ELAVL4: variants seen among roughly 807,000 people sequenced by gnomAD.
ELAVL4 encodes ELAV-like protein 4.
A neutral mutation model predicts 35.6 loss-of-function variants in ELAVL4; 1 was observed. The observed-to-expected ratio is 0.03, with a 90% CI of 0.01 to 0.13. ELAVL4 has a LOEUF of 0.13. Ranked by LOEUF, ELAVL4 falls within the 10% of genes least tolerant of loss-of-function variation. ELAVL4 has a pLI of 1.00. For missense variants in ELAVL4, 267 were observed against 464.9 expected, an observed-to-expected ratio of 0.57 and a Z score of 3.91; for synonymous variants, 156 against 171.0, an observed-to-expected ratio of 0.91 and a Z score of 0.69.
Position 50,195,557 on chromosome 1 carries a change from C to T in ELAVL4, c.509-4C>T, listed in dbSNP as rs1572627737. 1 of 1,613,988 alleles carries T rather than the reference C, an allele frequency of 6.2e-7. No homozygotes were observed. Among genetic ancestry groups the T allele is most frequent in the East Asian group, 2.2e-5 (1 of 44,876 alleles). The stretch of plus-strand genomic sequence containing the variant: ...CTTTACAAAGGCTCTTTCTCTTTCC[C>T]CAGGAGTGTCCAGAGGGGTGGGATT... On this transcript the variant is annotated splice_polypyrimidine_tract_variant and splice_region_variant and intron_variant, in intron 4 of 6. Coordinates refer to ENST00000371824, the MANE Select transcript of ELAVL4 (RefSeq NM_001144774.3).
At chr1:50,152,262 C>T (rs1028074661) in intron 2 of ELAVL4, among the ~76,000 whole-genome samples, 2 of 152,150 alleles carry the variant, frequency 1.3e-5, no homozygotes, top group African/African-American at 4.8e-5. Flanking sequence ...GGAAAGTATT[C>T]TCACATCCCA....
At chr1:50,071,426 TG>T (rs1664511953) in intron 1 of ELAVL4, among the ~76,000 whole-genome samples, 1 of 152,190 alleles carries the variant, frequency 6.6e-6, no homozygotes, top group Admixed American at 6.5e-5. Flanking sequence ...TCTTGAGTCG[TG>T]CATCTTTTAT....
chr1:50,076,266 T>C (rs566561316), intron 1 of ELAVL4, among the ~76,000 whole-genome samples: 2 of 152,290 alleles, frequency 1.3e-5, no homozygotes, highest in Admixed American at 6.5e-5. Flanking sequence ...TTTCCACAGT[T>C]TCAGTGACCC....
At position 50,178,984 on chromosome 1, in the gene ELAVL4, C is replaced by T. The variant is rs776328237; in HGVS notation, c.354+1792C>T. ...TTTTGCTTTTTTTTTTTTAAGTATT[C>T]CATAAGGCCACTGTGGTTCCCCAAA... is the stretch of plus-strand genomic sequence containing the variant. On this transcript the variant is annotated intron_variant, in intron 3 of 6. Coordinates refer to ENST00000371824, the MANE Select transcript of ELAVL4 (RefSeq NM_001144774.3). 4.9e-4 allele frequency among the ~76,000 whole-genome samples: 74 copies of T among 150,228 alleles called. 1 individual carries two copies. Among genetic ancestry groups the T allele is most frequent in the Non-Finnish European group, 1.0e-3 (68 of 67,700 alleles).
chr1:50,088,536 G>A (rs1332232988), intron 1 of ELAVL4, among the ~76,000 whole-genome samples: 3 of 152,162 alleles, frequency 2.0e-5, no homozygotes, highest in Non-Finnish European at 4.4e-5. Context: ...GATGGATTCA[G>A]CTGATGTCAA....
intron 3 of ELAVL4, among the ~76,000 whole-genome samples, chr1:50,191,656 A>G (rs552550310): frequency 7.9e-4 from 121 of 152,286 alleles, no homozygotes; most frequent in African/African-American, 2.5e-3. Flanking sequence ...GTTAAGTACC[A>G]TGGTTCATTG....
intron 1 of ELAVL4, among the ~76,000 whole-genome samples, chr1:50,126,897 AT>A (rs1362414637): frequency 2.0e-5 from 3 of 151,928 alleles, no homozygotes; most frequent in Non-Finnish European, 4.4e-5. Flanking sequence ...AACTTTAAAT[AT>A]TTTTTTCCTC....
intron 5 of ELAVL4, among the ~76,000 whole-genome samples, chr1:50,196,491 T>C (rs112717018): frequency 1.2e-4 from 18 of 152,322 alleles, no homozygotes; most frequent in African/African-American, 4.1e-4. Context: ...GACTTACCCA[T>C]GATAAATTCT....
intron 1 of ELAVL4, among the ~76,000 whole-genome samples, chr1:50,091,426 A>G (rs1665488780): frequency 6.6e-6 from 1 of 152,198 alleles, no homozygotes; most frequent in Admixed American, 6.5e-5. Context: ...CAGATGTGGT[A>G]GGGATTTTTC....
chr1:50,050,996 ATATAGAT>A (rs1329054020), intron 1 of ELAVL4, among the ~76,000 whole-genome samples: 2 of 152,184 alleles, frequency 1.3e-5, no homozygotes, highest in African/African-American at 4.8e-5. Context: ...AATCAACACT[ATATAGAT>A]TATAATATCA....
rs149944965 is a variant in ELAVL4 at position 50,147,947 on chromosome 1, C to A, written c.250+2750C>A. On this transcript the variant is annotated intron_variant, in intron 2 of 6. Coordinates refer to ENST00000371824, the MANE Select transcript of ELAVL4 (RefSeq NM_001144774.3). Reference sequence around the variant, plus strand: ...GTGACTCTGTTGATAGCCTTACCAGCAGGCTAGATTCATCCCTGGCTGTGA... The same window carrying A: ...GTGACTCTGTTGATAGCCTTACCAGAAGGCTAGATTCATCCCTGGCTGTGA... Among the ~76,000 whole-genome samples, 374 of 152,320 alleles carry A rather than the reference C, an allele frequency of 2.5e-3. 4 individuals are homozygous for A. The highest frequency in any genetic ancestry group is 3.3e-3 in the South Asian group (16 of 4,824).
At chr1:50,173,624 T>C (rs930310560) in intron 2 of ELAVL4, among the ~76,000 whole-genome samples, 4 of 152,208 alleles carry the variant, frequency 2.6e-5, no homozygotes, top group Non-Finnish European at 5.9e-5. Flanking sequence ...TTGGAGGCAG[T>C]CTTAATTTCA....
rs1644380548 is a variant in ELAVL4 at position 50,201,251 on chromosome 1, A to G, written c.*73A>G. The G allele has an allele frequency of 7.0e-7, 1 of 1,433,340 alleles. No homozygotes were observed. 88.8% of individuals were successfully genotyped at this position (1,433,340 alleles called of 1,614,324 possible). ...AAAACACACGCGCGCACACACACAC[A>G]TACACGAAAGAGAGAGAAACAAACT... is the stretch of plus-strand genomic sequence containing the variant. On this transcript the variant is annotated 3_prime_UTR_variant, in exon 7 of 7. Coordinates refer to ENST00000371824, the MANE Select transcript of ELAVL4 (RefSeq NM_001144774.3). The surrounding 1 kb of genome is among the most constrained non-coding windows in gnomAD (Gnocchi z 4.3).
intron 6 of ELAVL4, 174 bp from the exon 7 acceptor site, chr1:50,200,677 C>A: frequency 7.5e-7 from 1 of 1,326,600 alleles, no homozygotes; most frequent in Admixed American, 2.4e-5. Flanking sequence ...CAAGCCATTC[C>A]CATCAGAGGA....
chr1:50,184,981 T>G (rs1194256516), intron 3 of ELAVL4, among the ~76,000 whole-genome samples: 1 of 152,208 alleles, frequency 6.6e-6, no homozygotes, highest in African/African-American at 2.4e-5. Flanking sequence ...AAATTCAAAG[T>G]TCAGTTTCTT....
chr1:50,160,489 G>A (rs1676609390), intron 2 of ELAVL4, among the ~76,000 whole-genome samples: 1 of 152,116 alleles, frequency 6.6e-6, no homozygotes, highest in Non-Finnish European at 1.5e-5. Flanking sequence ...AAACTAAGAT[G>A]TTAGAACATG....
At chr1:50,150,390 G>C (rs1674565705) in intron 2 of ELAVL4, among the ~76,000 whole-genome samples, 1 of 152,204 alleles carries the variant, frequency 6.6e-6, no homozygotes, top group African/African-American at 2.4e-5. Context: ...TTTTGCTGCT[G>C]CCTTTGTATC....
At chr1:50,173,741 A>G (rs1226591858) in intron 2 of ELAVL4, among the ~76,000 whole-genome samples, 1 of 152,224 alleles carries the variant, frequency 6.6e-6, no homozygotes, top group Admixed American at 6.6e-5. Flanking sequence ...GAACAAAAAT[A>G]CAGCTTGTTT....
At chr1:50,093,053 AGGTGT>A (rs1198515104) in intron 1 of ELAVL4, among the ~76,000 whole-genome samples, 1 of 152,240 alleles carries the variant, frequency 6.6e-6, no homozygotes, top group Non-Finnish European at 1.5e-5. Flanking sequence ...GGCACATAGT[AGGTGT>A]TCAATAAATA....
Sources: allele counts gnomAD v4.1 joint callset (sites outside exome capture counted in the v4.1 genomes callset), GRCh38; gene constraint gnomAD v4.1.1; non-coding constraint Gnocchi (gnomAD v3.1); transcripts MANE v1.5; gene names NCBI Gene and HGNC (gene_info 2026-07-23, HGNC 2026-07-21).